The following ANKH variants were observed in gnomAD, a reference collection of about 807,000 sequenced individuals.
ANKH encodes the protein mineralization regulator ANKH.
In ANKH, 15 loss-of-function variants were observed where a neutral mutation model predicts 49.0. That is an observed-to-expected ratio of 0.31 (90% CI 0.20 to 0.47). The LOEUF is 0.47. ANKH is among the 20% of genes least tolerant of loss of function. The pLI, the probability that ANKH is intolerant of heterozygous loss-of-function variation, is 1.00. For missense variants in ANKH, 429 were observed against 652.0 expected, an observed-to-expected ratio of 0.66 and a Z score of 3.72; for synonymous variants, 273 against 260.0, an observed-to-expected ratio of 1.05 and a Z score of -0.48.
intron 1 of ANKH, among the ~76,000 whole-genome samples, chr5:14,815,860 C>T (rs1346982698): frequency 6.6e-6 from 1 of 152,188 alleles, no homozygotes; most frequent in East Asian, 1.9e-4. Flanking sequence ...ATGGCAGAGT[C>T]TAGTGACTCT....
At chr5:14,857,938 C>T (rs544334260) in intron 1 of ANKH, among the ~76,000 whole-genome samples, 3 of 152,236 alleles carry the variant, frequency 2.0e-5, no homozygotes, top group African/African-American at 4.8e-5. Context: ...AAAAGGGGCA[C>T]ATTGTGACCG....
In ANKH at chr5:14,751,265, G is replaced by A; in HGVS notation, c.517-26C>T. On this transcript the variant is annotated intron_variant, in intron 4 of 11. Coordinates refer to ENST00000284268, the MANE Select transcript of ANKH (RefSeq NM_054027.6). ...CTGAGAGAAGGGAGAACGGGAACAG[G>A]TCAGAGGGGAGAAGCGGGAACCGAC... 3.1e-6 allele frequency: 5 copies of A among 1,612,914 alleles called. No individual in the cohort carries two copies. In the South Asian group the frequency reaches 5.5e-5, roughly 18 times the overall value.
In ANKH at chr5:14,769,030, G is replaced by A. The variant is rs74355706; in HGVS notation, c.258C>T (p.Ala86=). The change falls in exon 2 of 12, where the codon GCC becomes GCT. Residue 86 remains alanine (A), a synonymous_variant. Transcript: ENST00000284268. ...CCCCTGCCACCACCATACACAGGAC[G>A]GCTTTGGTCCTGTCTCTCTTGCTGT... is the stretch of plus-strand genomic sequence containing the variant. ...FVNSKRDRTK[A]VLCMVVAGAI... 2,451 of 1,614,178 alleles carry A rather than the reference G, an allele frequency of 1.5e-3. 39 individuals carry two copies. In the African/African-American group the frequency reaches 0.03, roughly 19 times the overall value.
At chr5:14,735,564 T>C (rs1426125275) in intron 8 of ANKH, among the ~76,000 whole-genome samples, 3 of 152,190 alleles carry the variant, frequency 2.0e-5, no homozygotes, top group African/African-American at 4.8e-5. Flanking sequence ...AGAAAATTAC[T>C]GCCCCACAGT....
At chr5:14,774,828 G>A (rs951424914) in intron 1 of ANKH, among the ~76,000 whole-genome samples, 2 of 152,006 alleles carry the variant, frequency 1.3e-5, no homozygotes, top group African/African-American at 2.4e-5. Flanking sequence ...GGGGGTGGTA[G>A]GGCATCTCAA....
chr5:14,718,906 T>C (rs1000243837), intron 8 of ANKH, among the ~76,000 whole-genome samples: 1 of 140,668 alleles, frequency 7.1e-6, no homozygotes, highest in South Asian at 2.5e-4. Flanking sequence ...GTAAGATAAG[T>C]TTAGGGAAGC....
chr5:14,774,019 C>T (rs1398505748), intron 1 of ANKH, among the ~76,000 whole-genome samples: 1 of 152,132 alleles, frequency 6.6e-6, no homozygotes, highest in Non-Finnish European at 1.5e-5. Context: ...TGAAAATCAT[C>T]CCAATTTCAA....
At chr5:14,805,468 CATATATGTTT>C (rs1740682159) in intron 1 of ANKH, among the ~76,000 whole-genome samples, 1 of 133,622 alleles carries the variant, frequency 7.5e-6, no homozygotes, top group Admixed American at 7.3e-5. Flanking sequence ...TGTACACACA[CATATATGTTT>C]ATAGGATACA....
intron 1 of ANKH, among the ~76,000 whole-genome samples, chr5:14,779,032 C>T (rs1036697816): frequency 3.3e-5 from 5 of 152,146 alleles, no homozygotes; most frequent in African/African-American, 1.2e-4. Flanking sequence ...ACCTCTTATC[C>T]ATCTGGAATG....
At chr5:14,765,504 C>G (rs968872263) in intron 2 of ANKH, among the ~76,000 whole-genome samples, 2 of 152,072 alleles carry the variant, frequency 1.3e-5, no homozygotes, top group Non-Finnish European at 2.9e-5. Context: ...AGGGAAGTGT[C>G]TGAGTGGTCA....
chr5:14,724,426 A>C (rs1454507735), intron 8 of ANKH: 1 of 391,310 alleles, frequency 2.6e-6, no homozygotes, highest in Non-Finnish European at 3.5e-6. Flanking sequence ...TTTTATTTCT[A>C]AATCTGTGTA....
At chr5:14,717,713 G>A (rs1561022069) in intron 8 of ANKH, among the ~76,000 whole-genome samples, 2 of 152,152 alleles carry the variant, frequency 1.3e-5, no homozygotes, top group African/African-American at 4.8e-5. Flanking sequence ...GTTACTACAG[G>A]TTGAGTAACC....
At chr5:14,761,622 C>T (rs1479004125) in intron 2 of ANKH, among the ~76,000 whole-genome samples, 1 of 152,144 alleles carries the variant, frequency 6.6e-6, no homozygotes, top group Non-Finnish European at 1.5e-5. Context: ...AAGCCACTTG[C>T]TATGTGCGCT....
chr5:14,746,900 A>C (rs781630187), intron 6 of ANKH, among the ~76,000 whole-genome samples: 9 of 152,172 alleles, frequency 5.9e-5, no homozygotes, highest in Non-Finnish European at 1.2e-4. Flanking sequence ...AGATGGGAAA[A>C]GACCATCCAT....
At chr5:14,768,903 T>C in intron 2 of ANKH, 72 bp downstream of exon 2, 1 of 1,485,170 alleles carries the variant, frequency 6.7e-7, no homozygotes, top group Non-Finnish European at 9.4e-7. Flanking sequence ...TCTCAATAAA[T>C]ACATTTAAAT....
At chr5:14,733,062 A>G (rs73048840) in intron 8 of ANKH, among the ~76,000 whole-genome samples, 4,246 of 152,246 alleles carry the variant, frequency 0.028, 168 homozygotes, top group African/African-American at 0.096. Context: ...GCCCTCTGGA[A>G]ACTTCTTTTT....
At position 14,864,987 on chromosome 5, in the gene ANKH, G is replaced by A. The variant is rs1200901903; in HGVS notation, c.96+6365C>T. Among the ~76,000 whole-genome samples, 3 of 152,224 alleles carry A rather than the reference G, an allele frequency of 2.0e-5. 1 individual carries two copies. Among genetic ancestry groups the A allele is most frequent in the Middle Eastern group, 6.8e-3 (2 of 294 alleles). On this transcript the variant is annotated intron_variant, in intron 1 of 11. Transcript: ENST00000284268. Reference sequence around the variant, plus strand: ...TATAAAAATAAATCGGCGGCCAGGCGTGGTGGCTCACGCCTGTAATCCCAG... The same window carrying A: ...TATAAAAATAAATCGGCGGCCAGGCATGGTGGCTCACGCCTGTAATCCCAG...
chr5:14,824,278 AGAAAT>A (rs1266928812), intron 1 of ANKH, among the ~76,000 whole-genome samples: 1 of 152,246 alleles, frequency 6.6e-6, no homozygotes. Flanking sequence ...GATCTAGCCT[AGAAAT>A]GACATGTCTG....
intron 1 of ANKH, among the ~76,000 whole-genome samples, chr5:14,800,884 C>T (rs936610717): frequency 3.3e-5 from 5 of 151,114 alleles, no homozygotes; most frequent in Non-Finnish European, 7.4e-5. Flanking sequence ...TACCACCATA[C>T]CTGGCTAGTT....
Sources: allele counts gnomAD v4.1 joint callset (sites outside exome capture counted in the v4.1 genomes callset), GRCh38; gene constraint gnomAD v4.1.1; transcripts MANE v1.5; gene names NCBI Gene and HGNC (gene_info 2026-07-23, HGNC 2026-07-21).